The following SETD3 variants were observed in gnomAD, a reference collection of about 807,000 sequenced individuals.
The protein encoded by SETD3 is actin-histidine N-methyltransferase.
In SETD3, 19 loss-of-function variants were observed where a neutral mutation model predicts 63.0. The ratio of observed to expected loss-of-function variants is 0.30; its 90% CI spans 0.21 to 0.44. The LOEUF (loss-of-function observed/expected upper bound fraction) is 0.44. Among genes scored for constraint, SETD3 ranks in the 20% least tolerant of loss-of-function variants. The pLI, the probability that SETD3 is intolerant of heterozygous loss-of-function variation, is 1.00. For synonymous variants in SETD3, 286 were observed against 264.1 expected (o/e 1.08, Z -0.80); for missense variants, 587 against 728.5 (o/e 0.81, Z 2.24).
intron 1 of SETD3, among the ~76,000 whole-genome samples, chr14:99,472,423 C>T (rs1483524161): frequency 1.3e-5 from 2 of 152,104 alleles, no homozygotes; most frequent in African/African-American, 2.4e-5. Context: ...AATAACTACC[C>T]TTTTCATTTA....
chr14:99,481,125 C>T (rs1202770063), upstream of SETD3: 4 of 299,402 alleles, frequency 1.3e-5, no homozygotes. Context: ...GGACGAATCT[C>T]GACCCGGGCC....
chr14:99,444,337 T>C (rs1056921852), intron 6 of SETD3: 13 of 152,160 alleles, frequency 8.5e-5, no homozygotes, highest in African/African-American at 3.1e-4. Context: ...ATACTAAAAC[T>C]GGAATAATAC....
intron 6 of SETD3, among the ~76,000 whole-genome samples, chr14:99,432,991 C>A (rs1387382376): frequency 6.6e-6 from 1 of 152,116 alleles, no homozygotes; most frequent in African/African-American, 2.4e-5. Flanking sequence ...AAATTAAGAA[C>A]TTCATCAAAT....
At chr14:99,428,140 GAGT>G (rs1305951190) in intron 6 of SETD3, among the ~76,000 whole-genome samples, 1 of 152,234 alleles carries the variant, frequency 6.6e-6, no homozygotes, top group East Asian at 1.9e-4. Context: ...AGGAGCATTA[GAGT>G]ATTAGCTATG....
chr14:99,463,630 T>TA, intron 2 of SETD3, 52 bp from the exon 3 acceptor site: 1 of 1,408,546 alleles, frequency 7.1e-7, no homozygotes, highest in East Asian at 2.3e-5. Context: ...CAACTTAACC[T>TA]ACTAGTCTGC....
rs1042389576 is a variant in SETD3 at position 99,405,186 on chromosome 14, C to T, written c.1091+19G>A. ...TTCAAGTACTGCAAGAAAGGGCCAACCGATGTTTTTCTACGTACGTGGGGA... is the reference window on the plus strand; with the variant it reads ...TTCAAGTACTGCAAGAAAGGGCCAATCGATGTTTTTCTACGTACGTGGGGA... On this transcript the variant is annotated intron_variant, in intron 10 of 12. Coordinates refer to ENST00000331768, the MANE Select transcript of SETD3 (RefSeq NM_032233.3). The T allele has an allele frequency of 2.5e-6, 4 of 1,604,510 alleles. No homozygotes were observed. The highest frequency in any genetic ancestry group is 3.4e-6 in the Non-Finnish European group (4 of 1,176,586).
intron 1 of SETD3, among the ~76,000 whole-genome samples, chr14:99,473,370 G>A (rs1895806739): frequency 6.6e-6 from 1 of 152,222 alleles, no homozygotes; most frequent in Non-Finnish European, 1.5e-5. Flanking sequence ...ATAATGAACT[G>A]ATTTGGATGT....
intron 6 of SETD3, among the ~76,000 whole-genome samples, chr14:99,443,889 G>C (rs1014500420): frequency 6.6e-6 from 1 of 152,182 alleles, no homozygotes; most frequent in African/African-American, 2.4e-5. Context: ...CAGATCTTGA[G>C]CAGGGTCATG....
rs777954757 is a variant in SETD3, at chr14:99,413,031, G to C, written c.769C>G (p.Gln257Glu). 1 of 1,613,808 alleles carries C rather than the reference G, an allele frequency of 6.2e-7. No homozygotes were observed. Among genetic ancestry groups the C allele is most frequent in the East Asian group, 2.2e-5 (1 of 44,874 alleles). Reference sequence around the variant, plus strand: ...CGGGAACCATCCTCTGTGGGAATTTGGTTTTGCCTCGTCATAACAGAAGAG... The same window carrying C: ...CGGGAACCATCCTCTGTGGGAATTTCGTTTTGCCTCGTCATAACAGAAGAG... ...AVSSVMTRQN[Q>E]IPTEDGSRVT... is the part of the protein sequence containing the mutation. Residue 257 changes from glutamine (Q) to glutamate (E), a missense_variant, in exon 8 of 13, where the codon CAA (glutamine) becomes GAA (glutamate). Coordinates refer to ENST00000331768, the MANE Select transcript of SETD3 (RefSeq NM_032233.3).
chr14:99,418,908 T>C (rs1185150960), intron 6 of SETD3, among the ~76,000 whole-genome samples: 2 of 152,142 alleles, frequency 1.3e-5, no homozygotes, highest in Non-Finnish European at 2.9e-5. Flanking sequence ...GTTTCCCCTT[T>C]CCACCCCCAA....
intron 6 of SETD3, among the ~76,000 whole-genome samples, chr14:99,429,281 T>TA (rs1201281221): frequency 2.6e-5 from 4 of 151,826 alleles, no homozygotes; most frequent in Non-Finnish European, 4.4e-5. Flanking sequence ...GAAGAGGATT[T>TA]AAAAGGATGA....
At chr14:99,426,123 C>T (rs1030786278) in intron 6 of SETD3, among the ~76,000 whole-genome samples, 2 of 152,138 alleles carry the variant, frequency 1.3e-5, no homozygotes, top group Admixed American at 1.3e-4. Context: ...ATAATCCGCC[C>T]CCCCATCCAC....
intron 6 of SETD3, among the ~76,000 whole-genome samples, chr14:99,420,848 C>T (rs1250549476): frequency 6.9e-6 from 1 of 145,418 alleles, no homozygotes; most frequent in Non-Finnish European, 1.5e-5. Context: ...GTAGCACACA[C>T]CCTTCGAAGA....
rs914644065 is a variant in SETD3, at chr14:99,400,862, G to A, written c.1178-603C>T. Among the ~76,000 whole-genome samples, 5 of 152,246 alleles carry A rather than the reference G, an allele frequency of 3.3e-5. No homozygotes were observed. The South Asian group carries it at 6.2e-4, about 19-fold the overall frequency. On this transcript the variant is annotated intron_variant, in intron 11 of 12. Coordinates refer to ENST00000331768, the MANE Select transcript of SETD3 (RefSeq NM_032233.3). Reference sequence around the variant, plus strand: ...CTATCAAAATCTTAGTTAATGGGCCGGGCGCAGTGGCTCACGCCTGTAATC... The same window carrying A: ...CTATCAAAATCTTAGTTAATGGGCCAGGCGCAGTGGCTCACGCCTGTAATC...
chr14:99,412,813 C>A, intron 8 of SETD3, 138 bp downstream of exon 8: 1 of 626,606 alleles, frequency 1.6e-6, no homozygotes, highest in Non-Finnish European at 2.9e-6. Flanking sequence ...GGAGGAGTGG[C>A]CGGTTCGGTT....
At chr14:99,436,300 C>T (rs1453487627) in intron 6 of SETD3, among the ~76,000 whole-genome samples, 1 of 152,140 alleles carries the variant, frequency 6.6e-6, no homozygotes, top group East Asian at 1.9e-4. Context: ...GTTCATCAAA[C>T]AGCTTGTGTC....
At chr14:99,451,276 A>C (rs1894444838) in intron 6 of SETD3, among the ~76,000 whole-genome samples, 1 of 152,326 alleles carries the variant, frequency 6.6e-6, no homozygotes, top group African/African-American at 2.4e-5. Context: ...AAGTTGCAAC[A>C]GTTTTAAATG....
At chr14:99,413,492 T>C (rs1892119582) in intron 7 of SETD3, among the ~76,000 whole-genome samples, 1 of 152,238 alleles carries the variant, frequency 6.6e-6, no homozygotes, top group Admixed American at 6.5e-5. Flanking sequence ...GTAAGAAATG[T>C]AAAATGTGAC....
At chr14:99,437,675 G>A (rs533872486) in intron 6 of SETD3, among the ~76,000 whole-genome samples, 211 of 152,218 alleles carry the variant, frequency 1.4e-3, no homozygotes, top group African/African-American at 5.0e-3. Flanking sequence ...GTGCCTGTAC[G>A]TGTATACGTG....
Sources: allele counts gnomAD v4.1 joint callset (sites outside exome capture counted in the v4.1 genomes callset), GRCh38; gene constraint gnomAD v4.1.1; transcripts MANE v1.5; gene names NCBI Gene and HGNC (gene_info 2026-07-23, HGNC 2026-07-21).